The following ABCA8 variants were observed in gnomAD, a reference collection of about 807,000 sequenced individuals.
The protein encoded by ABCA8 is ATP binding cassette subfamily A member 8.
Under a neutral mutation model 192.3 loss-of-function variants are expected in ABCA8, and 177 were observed. The observed-to-expected ratio is 0.92, with a 90% CI of 0.81 to 1.04. ABCA8 has a LOEUF of 1.04. Ranked by LOEUF, ABCA8 falls within the 50% of genes least tolerant of loss-of-function variation. ABCA8 has a pLI of 0.00. For synonymous variants in ABCA8, 642 were observed against 690.2 expected (o/e 0.93, Z 1.09); for missense variants, 1,915 against 1,904.8 (o/e 1.01, Z -0.10).
At chr17:68,933,113 C>A (rs2067953816) in intron 6 of ABCA8, 55 bp downstream of exon 6, 1 of 1,247,586 alleles carries the variant, frequency 8.0e-7, no homozygotes, top group Non-Finnish European at 1.2e-6. Context: ...TTTGATGCCT[C>A]TAATATCATT....
intron 31 of ABCA8, among the ~76,000 whole-genome samples, chr17:68,881,456 T>A (rs1254545854): frequency 6.6e-6 from 1 of 152,200 alleles, no homozygotes; most frequent in African/African-American, 2.4e-5. Context: ...AAGCCAAGTG[T>A]TTCAGATTCT....
rs2066344109 is a variant in ABCA8, at chr17:68,881,874, C to T, written c.3935G>A (p.Cys1312Tyr). The T allele has an allele frequency of 6.2e-7, 1 of 1,613,822 alleles. No individual in the cohort carries two copies. Among genetic ancestry groups the T allele is most frequent in the South Asian group, 1.1e-5 (1 of 91,064 alleles). The part of the protein sequence containing the change: ...NKIATRNVSF[C>Y]VRKGEVLGLL... The stretch of plus-strand genomic sequence containing the variant: ...TCCCTATGGCCAACCTTTTCTAACA[C>T]AGAAGGAGACATTTCTCGTGGCTAT... The change falls in exon 31 of 40, where the codon TGT (cysteine) becomes TAT (tyrosine). Residue 1312 changes from cysteine to tyrosine, a missense_variant. Transcript: ENST00000586539.
chr17:68,882,067 C>T (rs2066349682), intron 30 of ABCA8, 87 bp from the exon 31 acceptor site: 1 of 1,117,278 alleles, frequency 9.0e-7, no homozygotes, highest in Non-Finnish European at 1.3e-6. Flanking sequence ...TGGCTGGACC[C>T]TTTGTTGCCC....
intron 17 of ABCA8, among the ~76,000 whole-genome samples, chr17:68,913,492 TA>T (rs1041636128): frequency 1.4e-5 from 2 of 147,866 alleles, no homozygotes; most frequent in Non-Finnish European, 3.0e-5. Context: ...TTAGCCAGAC[TA>T]AAAAAAAGAA....
chr17:68,944,002 C>A (rs1005510932), intron 2 of ABCA8, among the ~76,000 whole-genome samples: 1 of 151,882 alleles, frequency 6.6e-6, no homozygotes, highest in Non-Finnish European at 1.5e-5. Flanking sequence ...GTGTCCTTTG[C>A]AGGGACATGG....
chr17:68,925,357 CTT>C (rs1285036013), intron 10 of ABCA8, among the ~76,000 whole-genome samples: 3 of 152,164 alleles, frequency 2.0e-5, no homozygotes, highest in African/African-American at 4.8e-5. Context: ...TTAATTGAAA[CTT>C]AACACAAAAT....
chr17:68,901,549 T>C (rs192005501), intron 21 of ABCA8, among the ~76,000 whole-genome samples: 41 of 152,308 alleles, frequency 2.7e-4, no homozygotes, highest in African/African-American at 9.6e-4. Context: ...GGCTCACGCC[T>C]GTAATCCCAA....
chr17:68,891,899 T>A (rs772834715), intron 23 of ABCA8, among the ~76,000 whole-genome samples: 2 of 152,248 alleles, frequency 1.3e-5, no homozygotes, highest in Non-Finnish European at 2.9e-5. Context: ...TAATACATTA[T>A]AATTCACAGT....
rs1214493923 is a variant in ABCA8 at position 68,919,421 on chromosome 17, G to A, written c.1668C>T (p.Leu556=). The change falls in exon 14 of 40, where the codon CTC becomes CTT. Residue 556 remains leucine (L), a synonymous_variant. Coordinates refer to ENST00000586539, the MANE Select transcript of ABCA8 (RefSeq NM_001288985.2). ...GTGGACAAACTCCGGTCAGCTTGCT[G>A]AGATTTTCTAGGTCAGCCATTTCTG... is the stretch of plus-strand genomic sequence containing the variant. ...KLSEMADLEN[L]SKLTGVCPQS... is the part of the protein sequence containing the mutation. The A allele has an allele frequency of 1.9e-6, 3 of 1,613,894 alleles. No homozygotes were observed. Among genetic ancestry groups the A allele is most frequent in the African/African-American group, 1.3e-5 (1 of 74,934 alleles).
chr17:68,901,063 A>G (rs1188623738), intron 21 of ABCA8, among the ~76,000 whole-genome samples: 1 of 152,196 alleles, frequency 6.6e-6, no homozygotes, highest in Non-Finnish European at 1.5e-5. Flanking sequence ...GAGAGCTAAA[A>G]CAAGAAAGCA....
chr17:68,908,521 ATAAT>A (rs1302589159), intron 17 of ABCA8, among the ~76,000 whole-genome samples: 2 of 152,214 alleles, frequency 1.3e-5, no homozygotes, highest in African/African-American at 4.8e-5. Flanking sequence ...GATGAGTAAA[ATAAT>A]TATCAATAGT....
intron 32 of ABCA8, 90 bp downstream of exon 32, chr17:68,881,030 G>T: frequency 1.1e-6 from 1 of 875,736 alleles, no homozygotes; most frequent in East Asian, 2.5e-5. Context: ...GTTATATAAG[G>T]ATTAAGTGGA....
At chr17:68,952,009 C>T (rs1375964467) in intron 1 of ABCA8, among the ~76,000 whole-genome samples, 1 of 152,074 alleles carries the variant, frequency 6.6e-6, no homozygotes, top group Non-Finnish European at 1.5e-5. Context: ...AAAATGTTTT[C>T]CTCTCCTTCT....
intron 30 of ABCA8, among the ~76,000 whole-genome samples, chr17:68,882,357 C>A (rs532321285): frequency 6.6e-6 from 1 of 152,354 alleles, no homozygotes; most frequent in African/African-American, 2.4e-5. Context: ...GCAATGATGT[C>A]TGCTGCTTAG....
chr17:68,928,534 C>T (rs1177399913), intron 9 of ABCA8, among the ~76,000 whole-genome samples: 1 of 152,076 alleles, frequency 6.6e-6, no homozygotes, highest in Non-Finnish European at 1.5e-5. Context: ...TTGTTAAACA[C>T]TAAATAATGG....
chr17:68,931,050 C>T (rs1014836409), intron 7 of ABCA8, among the ~76,000 whole-genome samples: 11 of 152,172 alleles, frequency 7.2e-5, no homozygotes, highest in South Asian at 4.1e-4. Flanking sequence ...AGCTCATTCC[C>T]TCAGGCACAC....
chr17:68,900,092 A>C (rs1354930619), intron 21 of ABCA8, among the ~76,000 whole-genome samples: 1 of 152,126 alleles, frequency 6.6e-6, no homozygotes, highest in Non-Finnish European at 1.5e-5. Context: ...AAAGAAATGA[A>C]ACCAAGAATA....
intron 19 of ABCA8, among the ~76,000 whole-genome samples, chr17:68,905,835 A>G (rs995349937): frequency 6.6e-6 from 1 of 152,158 alleles, no homozygotes; most frequent in Non-Finnish European, 1.5e-5. Flanking sequence ...AGAAGCCTAG[A>G]GCTAATATGA....
chr17:68,877,908 C>T, intron 32 of ABCA8: 1 of 421,910 alleles, frequency 2.4e-6, no homozygotes, highest in Non-Finnish European at 4.1e-6. Context: ...ATCCAATATC[C>T]CATAAATGTG....
Sources: allele counts gnomAD v4.1 joint callset (sites outside exome capture counted in the v4.1 genomes callset), GRCh38; gene constraint gnomAD v4.1.1; transcripts MANE v1.5; gene names NCBI Gene and HGNC (gene_info 2026-07-23, HGNC 2026-07-21).